LRP1B: variants seen among roughly 807,000 people sequenced by gnomAD.
LRP1B encodes low-density lipoprotein receptor-related protein 1B.
Under a neutral mutation model 556.6 loss-of-function variants are expected in LRP1B, and 217 were observed. The observed-to-expected ratio is 0.39, with a 90% CI of 0.35 to 0.44. LRP1B has a LOEUF of 0.44. Ranked by LOEUF, LRP1B falls within the 20% of genes least tolerant of loss-of-function variation. LRP1B has a pLI of 1.00. For synonymous variants in LRP1B, 2,047 were observed against 1,865.8 expected (o/e 1.10, Z -2.50); for missense variants, 5,053 against 5,620.8 (o/e 0.90, Z 3.23).
At chr2:140,419,515 A>G (rs148325416) in intron 66 of LRP1B, among the ~76,000 whole-genome samples, 1,552 of 152,338 alleles carry the variant, frequency 0.01, 35 homozygotes, top group African/African-American at 0.035. Context: ...TCAAATGCAC[A>G]TGGAAACCTT....
chr2:140,896,337 G>A (rs188838623), intron 23 of LRP1B, among the ~76,000 whole-genome samples: 161 of 151,992 alleles, frequency 1.1e-3, no homozygotes, highest in Non-Finnish European at 2.1e-3. Flanking sequence ...GATATTAGGA[G>A]TGAACTTAGA....
chr2:140,285,645 T>C (rs1281811653), intron 84 of LRP1B, among the ~76,000 whole-genome samples: 2 of 151,746 alleles, frequency 1.3e-5, no homozygotes, highest in South Asian at 4.1e-4. Context: ...ACTAAGACTT[T>C]CATAATAATT....
chr2:140,513,016 A>G (rs1689730632), intron 51 of LRP1B, among the ~76,000 whole-genome samples: 5 of 152,106 alleles, frequency 3.3e-5, no homozygotes, highest in Non-Finnish European at 7.4e-5. Flanking sequence ...CCATTTTCTT[A>G]TTAGTCTTTA....
At chr2:142,027,106 C>T (rs151002894) in intron 1 of LRP1B, among the ~76,000 whole-genome samples, 6 of 152,028 alleles carry the variant, frequency 3.9e-5, no homozygotes, top group Admixed American at 6.6e-5. Context: ...AATCTGCATG[C>T]GCTTTGTGGG....
intron 6 of LRP1B, among the ~76,000 whole-genome samples, chr2:141,213,005 CT>C (rs1682634087): frequency 6.6e-6 from 1 of 152,096 alleles, no homozygotes; most frequent in African/African-American, 2.4e-5. Flanking sequence ...CTCACTCTGT[CT>C]TTTAAGCTGG....
chr2:141,168,571 T>C (rs1026030352), intron 7 of LRP1B, among the ~76,000 whole-genome samples: 3 of 152,038 alleles, frequency 2.0e-5, no homozygotes, highest in African/African-American at 7.2e-5. Flanking sequence ...GAAAAGACCA[T>C]GAAAGAAAAA....
intron 3 of LRP1B, among the ~76,000 whole-genome samples, chr2:141,325,639 G>T (rs1687404741): frequency 6.6e-6 from 1 of 151,960 alleles, no homozygotes; most frequent in Non-Finnish European, 1.5e-5. Context: ...AGTTTCTTTA[G>T]AGTTTTCTAA....
chr2:141,990,752 C>A (rs1222497745), intron 1 of LRP1B, among the ~76,000 whole-genome samples: 2 of 152,006 alleles, frequency 1.3e-5, no homozygotes, highest in African/African-American at 4.8e-5. Context: ...TATGCACACA[C>A]ATATTTGATA....
chr2:141,134,538 A>T (rs2105036310), intron 7 of LRP1B, among the ~76,000 whole-genome samples: 2 of 151,970 alleles, frequency 1.3e-5, no homozygotes, highest in Admixed American at 1.3e-4. Context: ...TGTAGCTCAG[A>T]TTAAATATAA....
intron 2 of LRP1B, among the ~76,000 whole-genome samples, chr2:141,592,940 C>G (rs2105297297): frequency 6.6e-6 from 1 of 152,186 alleles, no homozygotes. Context: ...CTTTGAAATC[C>G]TAGTAATAGA....
At chr2:141,907,971 T>C (rs369174902) in intron 1 of LRP1B, among the ~76,000 whole-genome samples, 21 of 152,068 alleles carry the variant, frequency 1.4e-4, no homozygotes, top group African/African-American at 4.1e-4. Flanking sequence ...AGGTACCTAA[T>C]TGGCTAAATG....
intron 66 of LRP1B, among the ~76,000 whole-genome samples, chr2:140,411,580 A>G (rs1184912125): frequency 6.6e-6 from 1 of 152,118 alleles, no homozygotes; most frequent in African/African-American, 2.4e-5. Context: ...TGACATGCCC[A>G]AGTCACACTG....
chr2:140,800,251 G>C (rs1690461984), intron 32 of LRP1B, among the ~76,000 whole-genome samples: 1 of 152,128 alleles, frequency 6.6e-6, no homozygotes, highest in South Asian at 2.1e-4. Context: ...CCTGTCATAG[G>C]GGAGGAGGAG....
chr2:141,041,266 C>T (rs1387981065), intron 11 of LRP1B, among the ~76,000 whole-genome samples: 1 of 152,068 alleles, frequency 6.6e-6, no homozygotes, highest in Non-Finnish European at 1.5e-5. Flanking sequence ...CCTATTGTTG[C>T]TGTAACAAAT....
chr2:141,147,783 CATA>C (rs1227218890), intron 7 of LRP1B, among the ~76,000 whole-genome samples: 9 of 152,136 alleles, frequency 5.9e-5, no homozygotes, highest in Admixed American at 5.2e-4. Flanking sequence ...TCACATACCA[CATA>C]ATAACATTTT....
intron 71 of LRP1B, among the ~76,000 whole-genome samples, chr2:140,369,950 G>T (rs1682921180): frequency 6.6e-6 from 1 of 151,826 alleles, no homozygotes; most frequent in South Asian, 2.1e-4. Context: ...TTTGTAAGTA[G>T]GTCACAAGAT....
intron 82 of LRP1B, among the ~76,000 whole-genome samples, chr2:140,317,845 C>T (rs1323616050): frequency 6.6e-6 from 1 of 152,012 alleles, no homozygotes; most frequent in Non-Finnish European, 1.5e-5. Context: ...CCTCATTAGG[C>T]ACCAGAAATT....
intron 3 of LRP1B, among the ~76,000 whole-genome samples, chr2:141,414,895 T>C (rs1405661283): frequency 6.6e-6 from 1 of 152,222 alleles, no homozygotes; most frequent in Non-Finnish European, 1.5e-5. Context: ...TATCTGGGCC[T>C]CCCAGGAGTT....
At chr2:140,686,787 T>A (rs764163348) in intron 41 of LRP1B, among the ~76,000 whole-genome samples, 1 of 151,926 alleles carries the variant, frequency 6.6e-6, no homozygotes, top group Admixed American at 6.6e-5. Flanking sequence ...GGAAAATATG[T>A]CCATCGATAG....
Sources: allele counts gnomAD v4.1 joint callset (sites outside exome capture counted in the v4.1 genomes callset), GRCh38; gene constraint gnomAD v4.1.1; transcripts MANE v1.5; gene names NCBI Gene and HGNC (gene_info 2026-07-23, HGNC 2026-07-21).